The following NINL variants were observed in gnomAD, a reference collection of about 807,000 sequenced individuals.
The protein encoded by NINL is ninein-like protein.
NINL carries 153 observed loss-of-function variants against 160.3 expected under a neutral mutation model. That is an observed-to-expected ratio of 0.95 (90% confidence interval 0.84 to 1.09). The LOEUF (loss-of-function observed/expected upper bound fraction) is 1.09. NINL is among the 50% of genes least tolerant of loss of function. The probability of loss-of-function intolerance (pLI) is 0.00; values close to 1 mark genes in which losing one functional copy is unlikely to be tolerated. For synonymous variants in NINL, 800 were observed against 734.8 expected (o/e 1.09, Z -1.43); for missense variants, 1,829 against 1,764.0 (o/e 1.04, Z -0.66).
chr20:25,531,884 C>T (rs977688105), intron 1 of NINL, among the ~76,000 whole-genome samples: 2 of 152,110 alleles, frequency 1.3e-5, no homozygotes, highest in East Asian at 1.9e-4. Flanking sequence ...GGGTGCCTGG[C>T]CTTGGCTCTC....
chr20:25,503,310 G>A (rs1320332308), intron 7 of NINL, among the ~76,000 whole-genome samples: 1 of 143,518 alleles, frequency 7.0e-6, no homozygotes, highest in Admixed American at 7.0e-5. Context: ...ACTGCCTCCT[G>A]TAACCCCAGG....
At chr20:25,510,795 G>C (rs374759639) in intron 4 of NINL, 55 bp from the exon 5 acceptor site, 1 of 1,311,078 alleles carries the variant, frequency 7.6e-7, no homozygotes, top group South Asian at 1.3e-5. Flanking sequence ...TGCTGGGGAC[G>C]GAGCACCGGG....
chr20:25,568,928 C>CA (rs1183169776), intron 1 of NINL, among the ~76,000 whole-genome samples: 1 of 149,192 alleles, frequency 6.7e-6, no homozygotes, highest in Non-Finnish European at 1.5e-5. Flanking sequence ...CCTGTCTCTA[C>CA]AAAATATTTT....
chr20:25,542,193 T>C (rs192324838), intron 1 of NINL, among the ~76,000 whole-genome samples: 2 of 152,282 alleles, frequency 1.3e-5, no homozygotes, highest in East Asian at 3.9e-4. Context: ...AGACTTTGCC[T>C]TGCATTCAGC....
At chr20:25,494,592 C>T (rs2063710605) in intron 10 of NINL, among the ~76,000 whole-genome samples, 1 of 152,240 alleles carries the variant, frequency 6.6e-6, no homozygotes, top group African/African-American at 2.4e-5. Flanking sequence ...AAGGAAAGGG[C>T]ACTTGGGAGG....
intron 1 of NINL, chr20:25,540,012 C>A: frequency 7.8e-7 from 1 of 1,288,214 alleles, no homozygotes; most frequent in Non-Finnish European, 1.0e-6. Flanking sequence ...TAATAATACA[C>A]ACTGTTTACC....
chr20:25,556,591 C>T (rs936234482), intron 1 of NINL, among the ~76,000 whole-genome samples: 1 of 151,854 alleles, frequency 6.6e-6, no homozygotes, highest in Non-Finnish European at 1.5e-5. Flanking sequence ...TGCCACTGTA[C>T]TCCAACCTAG....
intron 7 of NINL, among the ~76,000 whole-genome samples, chr20:25,501,921 C>T (rs1027197602): frequency 6.6e-6 from 1 of 152,074 alleles, no homozygotes; most frequent in South Asian, 2.1e-4. Flanking sequence ...GAGCACTGTG[C>T]CGGGTCCTCA....
Position 25,539,122 on chromosome 20 carries a change from C to T in NINL, c.-11-12524G>A, listed in dbSNP as rs546423837. On this transcript the variant is annotated intron_variant, in intron 1 of 23. Transcript: ENST00000278886. ...AGTGCTGATGCCCAGAATCCAGTGT[C>T]CAATTTCCCTGCAGCACAGTTGTGT... Among the ~76,000 whole-genome samples the T allele has an allele frequency of 3.9e-5, 6 of 152,288 alleles. No homozygotes were observed. The East Asian group carries it at 1.2e-3, about 29-fold the overall frequency.
rs2146564592 is a variant in NINL at position 25,480,282 on chromosome 20, C to T, written c.1811-15G>A. On this transcript the variant is annotated splice_polypyrimidine_tract_variant and intron_variant, in intron 14 of 23. Transcript: ENST00000278886. ...GAATGAAATGCCTGCAAACAAGAGG[C>T]CACTTCCGTTTGTCACACTGAGGAT... The T allele has an allele frequency of 1.9e-6, 3 of 1,607,042 alleles. No individual in the cohort carries two copies. In the East Asian group the frequency reaches 6.7e-5, roughly 36 times the overall value.
intron 3 of NINL, among the ~76,000 whole-genome samples, chr20:25,516,804 A>T (rs566768390): frequency 2.8e-4 from 42 of 152,200 alleles, no homozygotes; most frequent in African/African-American, 9.4e-4. Context: ...AACCAGCAAG[A>T]GGAAGTGGGA....
chr20:25,453,322 G>T lies in NINL; in HGVS notation c.*129C>A. The stretch of plus-strand genomic sequence containing the variant: ...GCAGACCATTCATTAACTATCTGCG[G>T]GGTGAACAAAGAATCCCAATCCTCA... On this transcript the variant is annotated 3_prime_UTR_variant, in exon 24 of 24. Coordinates refer to ENST00000278886, the MANE Select transcript of NINL (RefSeq NM_025176.6). 1 of 777,536 alleles carries T rather than the reference G, an allele frequency of 1.3e-6. No homozygotes were observed. Among genetic ancestry groups the T allele is most frequent in the East Asian group, 2.8e-5 (1 of 36,176 alleles). The allele number at this position is 777,536 out of a possible 1,614,324, so 48.2% of individuals were successfully genotyped here.
In NINL at chr20:25,517,739, G is replaced by A; in HGVS notation, c.277+14C>T. 2 of 1,551,094 alleles carry A rather than the reference G, an allele frequency of 1.3e-6. No individual in the cohort carries two copies. Among genetic ancestry groups the A allele is most frequent in the Non-Finnish European group, 1.7e-6 (2 of 1,143,276 alleles). The stretch of plus-strand genomic sequence containing the variant: ...ACAAATAATGAAAAGAAAACACAGA[G>A]GAAATCCTCTTACCTGATTCCAAAG... On this transcript the variant is annotated intron_variant, in intron 3 of 23. Transcript: ENST00000278886.
At chr20:25,477,184 T>C in intron 16 of NINL, 95 bp from the exon 17 acceptor site, 1 of 1,198,214 alleles carries the variant, frequency 8.3e-7, no homozygotes, top group Admixed American at 2.7e-5. Context: ...GGCTGCGACC[T>C]CCTCTCTGTG....
At chr20:25,502,871 A>G (rs958914245) in intron 7 of NINL, among the ~76,000 whole-genome samples, 3 of 152,194 alleles carry the variant, frequency 2.0e-5, no homozygotes, top group Non-Finnish European at 4.4e-5. Context: ...TGCTTCCTGC[A>G]CAGCCTGCAG....
intron 5 of NINL, chr20:25,509,676 G>A (rs1170108082): frequency 2.2e-6 from 1 of 456,620 alleles, no homozygotes; most frequent in Non-Finnish European, 4.4e-6. Context: ...CCACCTTTCT[G>A]TGGGGCCCCT....
rs149040359 is a variant in NINL, at chr20:25,537,465, G to A, written c.-11-10867C>T. Among the ~76,000 whole-genome samples the A allele has an allele frequency of 7.9e-5, 12 of 152,358 alleles. No individual in the cohort carries two copies. The Middle Eastern group carries it at 0.01, about 130-fold the overall frequency. ...TAAATCCAATGGGTCAACGAGCAGC[G>A]CACCTGCTGGCTCTGCACATACAAC... On this transcript the variant is annotated intron_variant, in intron 1 of 23. Coordinates refer to ENST00000278886, the MANE Select transcript of NINL (RefSeq NM_025176.6).
chr20:25,570,374 T>C (rs137973174), intron 1 of NINL, among the ~76,000 whole-genome samples: 80 of 152,190 alleles, frequency 5.3e-4, no homozygotes, highest in African/African-American at 1.9e-3. Flanking sequence ...GTTGTCAGGA[T>C]AGTGAGTTCT....
At chr20:25,541,757 T>C (rs568168473) in intron 1 of NINL, among the ~76,000 whole-genome samples, 2 of 152,214 alleles carry the variant, frequency 1.3e-5, no homozygotes, top group African/African-American at 2.4e-5. Flanking sequence ...CAATAGTTCC[T>C]CTTTTTTACT....
Sources: allele counts gnomAD v4.1 joint callset (sites outside exome capture counted in the v4.1 genomes callset), GRCh38; gene constraint gnomAD v4.1.1; transcripts MANE v1.5; gene names NCBI Gene and HGNC (gene_info 2026-07-23, HGNC 2026-07-21).